Variants in ITGA8 observed in about 807,000 individuals in gnomAD.
ITGA8 encodes the protein integrin alpha-8.
In ITGA8, 91 loss-of-function variants were observed where a neutral mutation model predicts 142.3. That is an observed-to-expected ratio of 0.64 (90% CI 0.54 to 0.76). ITGA8 has a LOEUF of 0.76. Ranked by LOEUF, ITGA8 falls within the 30% of genes least tolerant of loss-of-function variation. The probability of loss-of-function intolerance (pLI) is 0.00; values close to 1 mark genes in which losing one functional copy is unlikely to be tolerated. For synonymous variants in ITGA8, 505 were observed against 485.2 expected (o/e 1.04, Z -0.54); for missense variants, 1,406 against 1,327.7 (o/e 1.06, Z -0.92).
intron 3 of ITGA8, among the ~76,000 whole-genome samples, chr10:15,685,637 C>T (rs2131705522): frequency 6.6e-6 from 1 of 152,300 alleles, no homozygotes; most frequent in Admixed American, 6.5e-5. Context: ...CTCATCCATG[C>T]CTTTTCATTT....
intron 27 of ITGA8, among the ~76,000 whole-genome samples, chr10:15,533,387 A>T (rs1235582209): frequency 6.6e-6 from 1 of 152,200 alleles, no homozygotes; most frequent in African/African-American, 2.4e-5. Context: ...TTTAACTAAA[A>T]GTCGGAGTTT....
intron 20 of ITGA8, 45 bp from the exon 21 acceptor site, chr10:15,597,344 C>T (rs769261835): frequency 1.3e-6 from 2 of 1,484,396 alleles, no homozygotes; most frequent in East Asian, 2.3e-5. Context: ...GGATAAATGA[C>T]ATCCTGACAC....
intron 11 of ITGA8, among the ~76,000 whole-genome samples, chr10:15,654,318 G>T (rs1470264706): frequency 1.3e-5 from 2 of 152,072 alleles, no homozygotes; most frequent in African/African-American, 2.4e-5. Context: ...TTTAATTTTT[G>T]TCTGTAGCAG....
chr10:15,709,163 C>T (rs967566531), intron 2 of ITGA8, among the ~76,000 whole-genome samples: 1 of 152,176 alleles, frequency 6.6e-6, no homozygotes, highest in Non-Finnish European at 1.5e-5. Context: ...CAGATGCAGC[C>T]ATTTACCAAC....
Position 15,688,049 on chromosome 10 carries a change from A to G in ITGA8, c.344-11T>C, listed in dbSNP as rs1369581110. 7.7e-6 allele frequency: 12 copies of G among 1,548,448 alleles called. No individual in the cohort carries two copies. The African/African-American group carries it at 1.5e-4, about 19-fold the overall frequency. ...TGATCTTTCTGTTGTCTGTCAAAGAAGATAGGAAGAGTTAATAATTTGTAA... is the reference window on the plus strand; with the variant it reads ...TGATCTTTCTGTTGTCTGTCAAAGAGGATAGGAAGAGTTAATAATTTGTAA... On this transcript the variant is annotated splice_polypyrimidine_tract_variant and intron_variant, in intron 2 of 29. Coordinates refer to ENST00000378076, the MANE Select transcript of ITGA8 (RefSeq NM_003638.3).
intron 26 of ITGA8, among the ~76,000 whole-genome samples, chr10:15,556,475 C>G (rs1459244623): frequency 6.6e-6 from 1 of 152,110 alleles, no homozygotes; most frequent in Non-Finnish European, 1.5e-5. Flanking sequence ...TTGGTCTGTG[C>G]CCCCCATACC....
chr10:15,613,458 A>G (rs1377641364), intron 15 of ITGA8, among the ~76,000 whole-genome samples: 1 of 152,210 alleles, frequency 6.6e-6, no homozygotes, highest in African/African-American at 2.4e-5. Context: ...GCATCATATC[A>G]TAGGTTCTCT....
chr10:15,679,569 A>T (rs1179956512), intron 4 of ITGA8, among the ~76,000 whole-genome samples: 1 of 152,182 alleles, frequency 6.6e-6, no homozygotes, highest in Non-Finnish European at 1.5e-5. Context: ...GTGACAGAGC[A>T]AGACTCCAAC....
At chr10:15,570,566 C>A (rs943220774) in intron 25 of ITGA8, among the ~76,000 whole-genome samples, 1 of 143,014 alleles carries the variant, frequency 7.0e-6, no homozygotes, top group Non-Finnish European at 1.5e-5. Flanking sequence ...GCCGAGATGG[C>A]GCCATTGCAC....
chr10:15,658,377 T>C (rs1486559979), intron 10 of ITGA8, among the ~76,000 whole-genome samples: 3 of 152,146 alleles, frequency 2.0e-5, no homozygotes, highest in Non-Finnish European at 4.4e-5. Flanking sequence ...CCACTTCCCA[T>C]TGTTCTTAGA....
intron 15 of ITGA8, among the ~76,000 whole-genome samples, chr10:15,612,411 T>G (rs1833314763): frequency 6.6e-6 from 1 of 152,222 alleles, no homozygotes; most frequent in Non-Finnish European, 1.5e-5. Flanking sequence ...AAAAATACTG[T>G]CTGAGTTAGA....
chr10:15,606,353 T>C lies in ITGA8; in HGVS notation c.1834A>G (p.Thr612Ala), dbSNP rs1362454342. 6.2e-7 allele frequency: 1 copy of C among 1,612,244 alleles called. No individual in the cohort carries two copies. The change falls in exon 18 of 30, where the codon ACC (threonine) becomes GCC (alanine). Residue 612 changes from threonine (T) to alanine (A), a missense_variant. By Grantham distance (58) the Thr-to-Ala change is moderately conservative. Transcript: ENST00000378076. ...TTCACTTCCAGGCCTTCTTTAAAGG[T>C]GGATTCGTCCAAACTGTAATTCAAA... Reference protein sequence around the residue: ...ISLNYSLDESTFKEGLEVKPI... With the variant: ...ISLNYSLDESAFKEGLEVKPI...
intron 2 of ITGA8, among the ~76,000 whole-genome samples, chr10:15,700,845 A>G (rs1308198278): frequency 6.6e-6 from 1 of 151,964 alleles, no homozygotes; most frequent in East Asian, 1.9e-4. Flanking sequence ...CTCTCCCATT[A>G]CCCCTTTACA....
intron 1 of ITGA8, 131 bp downstream of exon 1, chr10:15,719,432 A>G (rs947925665): frequency 2.8e-6 from 2 of 724,038 alleles, no homozygotes; most frequent in Non-Finnish European, 2.1e-6. Context: ...TGGCGGGGAG[A>G]GGGACGGGAC....
chr10:15,615,654 C>CCG (rs1833377578), intron 14 of ITGA8, among the ~76,000 whole-genome samples: 1 of 152,172 alleles, frequency 6.6e-6, no homozygotes, highest in Non-Finnish European at 1.5e-5. Context: ...GCTGGGATTA[C>CCG]AGGCGTGTAC....
At chr10:15,647,898 C>A (rs1458543003) in intron 11 of ITGA8, among the ~76,000 whole-genome samples, 1 of 152,004 alleles carries the variant, frequency 6.6e-6, no homozygotes, top group Non-Finnish European at 1.5e-5. Context: ...AACTTTTCAG[C>A]CCAAATAAAA....
chr10:15,516,019 G>A lies in ITGA8; in HGVS notation c.*1139C>T, dbSNP rs895780913. ...TGTATAATTTTATGTTTTTGTCTAA[G>A]TTATATTCAACATGTTTTCTCTGTG... is the stretch of plus-strand genomic sequence containing the variant. On this transcript the variant is annotated 3_prime_UTR_variant, in exon 30 of 30. Coordinates refer to ENST00000378076, the MANE Select transcript of ITGA8 (RefSeq NM_003638.3). 6 of 152,092 alleles carry A rather than the reference G, an allele frequency of 3.9e-5. No individual in the cohort carries two copies. Among genetic ancestry groups the A allele is most frequent in the African/African-American group, 1.4e-4 (6 of 41,418 alleles). The allele number at this position is 152,092 out of a possible 1,614,324, so 9.4% of individuals were successfully genotyped here.
chr10:15,568,655 T>C (rs2131578673), intron 25 of ITGA8, among the ~76,000 whole-genome samples: 1 of 152,310 alleles, frequency 6.6e-6, no homozygotes, highest in African/African-American at 2.4e-5. Flanking sequence ...CAGAATGCAT[T>C]TCTCTTTAGA....
In ITGA8 at chr10:15,517,065, T is replaced by C. The variant is rs1832975393; in HGVS notation, c.*93A>G. The stretch of plus-strand genomic sequence containing the variant: ...CTCCATTTCCTGGGTCACTGTCAGG[T>C]ATCAGAAAGCTTTGATTTTTAACCC... On this transcript the variant is annotated 3_prime_UTR_variant, in exon 30 of 30. Coordinates refer to ENST00000378076, the MANE Select transcript of ITGA8 (RefSeq NM_003638.3). 1.2e-6 allele frequency: 1 copy of C among 820,470 alleles called. No homozygotes were observed. The allele number at this position is 820,470 out of a possible 1,614,324, so 50.8% of individuals were successfully genotyped here. A position where few individuals can be genotyped will look rare whatever the true frequency, so the allele number is the denominator to read the frequency against.
Sources: allele counts gnomAD v4.1 joint callset (sites outside exome capture counted in the v4.1 genomes callset), GRCh38; gene constraint gnomAD v4.1.1; transcripts MANE v1.5; gene names NCBI Gene and HGNC (gene_info 2026-07-23, HGNC 2026-07-21).